Variants in BBX observed in about 807,000 individuals in gnomAD.
The protein encoded by BBX is BBX high mobility group box domain containing, also known as HMG box transcription factor BBX.
Under a neutral mutation model 100.2 loss-of-function variants are expected in BBX, and 30 were observed. That is an observed-to-expected ratio of 0.30 (90% confidence interval 0.22 to 0.41). The LOEUF (loss-of-function observed/expected upper bound fraction) is 0.41, where lower values mean the gene tolerates loss of function less well. Among genes scored for constraint, BBX ranks in the 10% least tolerant of loss-of-function variants. The pLI, the probability that BBX is intolerant of heterozygous loss-of-function variation, is 1.00. For synonymous variants in BBX, 376 were observed against 388.1 expected (o/e 0.97, Z 0.37); for missense variants, 1,023 against 1,129.8 (o/e 0.91, Z 1.35).
Position 107,582,544 on chromosome 3 carries a change from G to A in BBX, c.-84+56146G>A, listed in dbSNP as rs140512672. On this transcript the variant is annotated intron_variant, in intron 2 of 17. Transcript: ENST00000325805. The stretch of plus-strand genomic sequence containing the variant: ...GACAAATTTCAACAAAGGAGGGTAC[G>A]TTCTCCCTGTTTTTATAGTTTGCTT... Among the ~76,000 whole-genome samples, 407 of 152,066 alleles carry A rather than the reference G, an allele frequency of 2.7e-3. 2 individuals are homozygous for A. Among genetic ancestry groups the A allele is most frequent in the African/African-American group, 9.3e-3 (388 of 41,532 alleles).
chr3:107,742,547 G>A (rs1252632636), intron 7 of BBX, among the ~76,000 whole-genome samples: 1 of 152,110 alleles, frequency 6.6e-6, no homozygotes, highest in African/African-American at 2.4e-5. Flanking sequence ...GTCCACTAGA[G>A]TAAAATCCAC....
chr3:107,655,343 T>C (rs1404990652), intron 3 of BBX, among the ~76,000 whole-genome samples: 1 of 152,146 alleles, frequency 6.6e-6, no homozygotes, highest in African/African-American at 2.4e-5. Flanking sequence ...CTATTAGTAT[T>C]AACAAGATTA....
chr3:107,733,697 G>A (rs979058697), intron 7 of BBX, among the ~76,000 whole-genome samples: 2 of 152,076 alleles, frequency 1.3e-5, no homozygotes, highest in African/African-American at 4.8e-5. Context: ...GACTGGTTTC[G>A]AACTTCAGGG....
chr3:107,551,791 G>C (rs981214379), intron 2 of BBX, among the ~76,000 whole-genome samples: 2 of 152,182 alleles, frequency 1.3e-5, no homozygotes, highest in African/African-American at 4.8e-5. Context: ...GTGACTCTGT[G>C]CCCTGTTAGG....
intron 2 of BBX, among the ~76,000 whole-genome samples, chr3:107,590,170 T>C (rs539075541): frequency 2.4e-4 from 37 of 152,304 alleles, no homozygotes; most frequent in African/African-American, 4.1e-4. Flanking sequence ...GCTTTTAGTA[T>C]AAAGATTTTA....
At position 107,547,558 on chromosome 3, in the gene BBX, G is replaced by A. The variant is rs144260176; in HGVS notation, c.-84+21160G>A. Reference sequence around the variant, plus strand: ...ACCTATCCCAGTTGGTTTTCTTTTCGTTTTATATTTGTTCTACCCTTCAAT... The same window carrying A: ...ACCTATCCCAGTTGGTTTTCTTTTCATTTTATATTTGTTCTACCCTTCAAT... On this transcript the variant is annotated intron_variant, in intron 2 of 17. Coordinates refer to ENST00000325805, the MANE Select transcript of BBX (RefSeq NM_001142568.3). Among the ~76,000 whole-genome samples, 871 of 151,994 alleles carry A rather than the reference G, an allele frequency of 5.7e-3. 4 individuals are homozygous for A. The highest frequency in any genetic ancestry group is 9.7e-3 in the Non-Finnish European group (656 of 67,940).
intron 4 of BBX, among the ~76,000 whole-genome samples, chr3:107,711,571 C>A (rs562450911): frequency 6.6e-6 from 1 of 152,170 alleles, no homozygotes; most frequent in Non-Finnish European, 1.5e-5. Context: ...TTACTAATGA[C>A]CTTTTCTCCT....
intron 2 of BBX, among the ~76,000 whole-genome samples, chr3:107,625,434 C>T (rs1020634273): frequency 2.0e-5 from 3 of 152,146 alleles, no homozygotes; most frequent in Admixed American, 6.5e-5. Context: ...TGCGCCACTA[C>T]ACCCAGCTAA....
intron 13 of BBX, among the ~76,000 whole-genome samples, chr3:107,788,712 T>C (rs2068688941): frequency 1.3e-5 from 2 of 151,584 alleles, no homozygotes; most frequent in African/African-American, 2.4e-5. Context: ...GAGGTGGAGG[T>C]TGCAGTGAGC....
At chr3:107,632,659 C>T (rs574509847) in intron 2 of BBX, among the ~76,000 whole-genome samples, 1 of 152,222 alleles carries the variant, frequency 6.6e-6, no homozygotes, top group South Asian at 2.1e-4. Flanking sequence ...GGAATGTCCC[C>T]TGGCAGGAGA....
chr3:107,756,451 C>T (rs1021819588), intron 10 of BBX, among the ~76,000 whole-genome samples: 7 of 151,842 alleles, frequency 4.6e-5, no homozygotes, highest in Non-Finnish European at 7.4e-5. Context: ...TTTTAATTTT[C>T]TCATTTTTCT....
intron 2 of BBX, among the ~76,000 whole-genome samples, chr3:107,594,184 G>T (rs976253195): frequency 6.6e-6 from 1 of 152,090 alleles, no homozygotes; most frequent in African/African-American, 2.4e-5. Flanking sequence ...TTTTTTATAT[G>T]TAAGTTTGTC....
intron 2 of BBX, among the ~76,000 whole-genome samples, chr3:107,546,083 T>C (rs915347497): frequency 5.9e-5 from 9 of 152,216 alleles, no homozygotes; most frequent in Non-Finnish European, 4.4e-5. Flanking sequence ...ACAGTTTGAC[T>C]GCACTGTAAT....
chr3:107,594,696 A>G (rs189793902), intron 2 of BBX, among the ~76,000 whole-genome samples: 60 of 152,304 alleles, frequency 3.9e-4, no homozygotes, highest in African/African-American at 1.4e-3. Context: ...ACCACATCAT[A>G]GGATTGTTAG....
intron 2 of BBX, among the ~76,000 whole-genome samples, chr3:107,584,039 T>C (rs1559839619): frequency 4.3e-5 from 2 of 46,832 alleles, no homozygotes; most frequent in African/African-American, 2.1e-4. Flanking sequence ...ATATTAATTA[T>C]ATATATTATA....
At chr3:107,750,559 A>C (rs577649321) in intron 9 of BBX, among the ~76,000 whole-genome samples, 1 of 152,320 alleles carries the variant, frequency 6.6e-6, no homozygotes, top group Non-Finnish European at 1.5e-5. Context: ...TGTTTATACA[A>C]GAGTAGTTCA....
intron 4 of BBX, among the ~76,000 whole-genome samples, chr3:107,716,293 A>G (rs1021049753): frequency 5.3e-5 from 8 of 152,150 alleles, no homozygotes; most frequent in African/African-American, 9.7e-5. Flanking sequence ...GTAAAGGTGA[A>G]TAAGAGCTTT....
chr3:107,555,060 C>G (rs1163125794), intron 2 of BBX, among the ~76,000 whole-genome samples: 1 of 149,884 alleles, frequency 6.7e-6, no homozygotes, highest in Non-Finnish European at 1.5e-5. Flanking sequence ...AAGAGCGAAA[C>G]TCCGTCTCAA....
intron 13 of BBX, among the ~76,000 whole-genome samples, chr3:107,787,328 A>C (rs2068537669): frequency 6.6e-6 from 1 of 152,180 alleles, no homozygotes; most frequent in South Asian, 2.1e-4. Context: ...AATCCATTAA[A>C]TGGAATATTA....
Sources: allele counts gnomAD v4.1 joint callset (sites outside exome capture counted in the v4.1 genomes callset), GRCh38; gene constraint gnomAD v4.1.1; transcripts MANE v1.5; gene names NCBI Gene and HGNC (gene_info 2026-07-23, HGNC 2026-07-21).